Variants in PHF14 observed in about 807,000 individuals in gnomAD.
PHF14 encodes PHD finger protein 14.
In PHF14, 55 loss-of-function variants were observed where a neutral mutation model predicts 117.9. That is an observed-to-expected ratio of 0.47 (90% CI 0.38 to 0.58). The LOEUF is 0.58. Among genes scored for constraint, PHF14 ranks in the 20% least tolerant of loss-of-function variants. PHF14 has a pLI of 0.00. For synonymous variants in PHF14, 409 were observed against 368.6 expected, an observed-to-expected ratio of 1.11 and a Z score of -1.26; for missense variants, 978 against 1,122.2, an observed-to-expected ratio of 0.87 and a Z score of 1.84.
chr7:11,006,842 G>A (rs1396803048), intron 4 of PHF14: 4 of 674,458 alleles, frequency 5.9e-6, no homozygotes, highest in Non-Finnish European at 1.1e-5. Flanking sequence ...AGGAGGGACA[G>A]GAGCTTCCTT....
chr7:11,122,196 C>CT (rs1787775219), intron 17 of PHF14, among the ~76,000 whole-genome samples: 1 of 150,718 alleles, frequency 6.6e-6, no homozygotes, highest in African/African-American at 2.5e-5. Flanking sequence ...TGAACTCATT[C>CT]TTTTTTATGG....
chr7:11,074,621 G>A (rs1785759431), intron 16 of PHF14, among the ~76,000 whole-genome samples: 4 of 152,138 alleles, frequency 2.6e-5, no homozygotes, highest in East Asian at 3.9e-4. Context: ...TCTTCTACCA[G>A]AAACCTGTGT....
Position 11,169,593 on chromosome 7 carries a change from T to TC in PHF14, c.*104dup, listed in dbSNP as rs1789305684. 41 of 526,326 alleles carry TC rather than the reference T, an allele frequency of 7.8e-5. No homozygotes were observed. In the South Asian group the frequency reaches 1.4e-3, roughly 18 times the overall value. The allele number at this position is 526,326 out of a possible 1,614,324, so 32.6% of individuals were successfully genotyped here. A position where few individuals can be genotyped will look rare whatever the true frequency, so the allele number is the denominator to read the frequency against. ...TTGTAAAATCTAATTTGCAAAATGT[T>TC]CTCAATAAAGTCATTCAAAATGAAA... On this transcript the variant is annotated 3_prime_UTR_variant, in exon 18 of 18. Transcript: ENST00000634607.
At chr7:11,053,064 T>A (rs1784895849) in intron 14 of PHF14, among the ~76,000 whole-genome samples, 1 of 152,130 alleles carries the variant, frequency 6.6e-6, no homozygotes, top group Non-Finnish European at 1.5e-5. Context: ...TCAAAAATCT[T>A]CCTTTCCACA....
chr7:10,997,907 G>A (rs1315244627), intron 4 of PHF14, among the ~76,000 whole-genome samples: 1 of 152,166 alleles, frequency 6.6e-6, no homozygotes, highest in Non-Finnish European at 1.5e-5. Flanking sequence ...GTTCACACAA[G>A]CCAACCCTAG....
intron 17 of PHF14, among the ~76,000 whole-genome samples, chr7:11,153,801 T>G (rs1348667689): frequency 6.6e-6 from 1 of 152,160 alleles, no homozygotes; most frequent in Non-Finnish European, 1.5e-5. Context: ...TAAAGAAGAC[T>G]TTGTTTTCTC....
chr7:10,982,685 G>A lies in PHF14; in HGVS notation c.426G>A (p.Glu142=), dbSNP rs1184783212. 1 of 1,601,330 alleles carries A rather than the reference G, an allele frequency of 6.2e-7. No homozygotes were observed. The highest frequency in any genetic ancestry group is 1.7e-5 in the Admixed American group (1 of 57,288). ...AAAAAGAAAAAGCAACAGTATCTGA[G>A]AATGTGGCTGCTTCTGCTGCTGCCA... ...EKEKEKATVS[E]NVAASAAATT... is the part of the protein sequence containing the mutation. The change falls in exon 3 of 18, where the codon GAG becomes GAA. Residue 142 remains glutamate (E), a synonymous_variant. Coordinates refer to ENST00000634607, the MANE Select transcript of PHF14 (RefSeq NM_001007157.2).
chr7:11,037,717 A>G (rs1364416371), intron 10 of PHF14, among the ~76,000 whole-genome samples: 1 of 152,218 alleles, frequency 6.6e-6, no homozygotes, highest in Admixed American at 6.5e-5. Flanking sequence ...AACTTGACAT[A>G]TAAAACGGGT....
chr7:11,088,737 G>A (rs1009386727), intron 16 of PHF14, among the ~76,000 whole-genome samples: 51 of 152,026 alleles, frequency 3.4e-4, no homozygotes, highest in Admixed American at 8.5e-4. Context: ...TATTCCCACC[G>A]TAAATATATA....
At chr7:11,097,171 G>T (rs1172965526) in intron 16 of PHF14, among the ~76,000 whole-genome samples, 11 of 151,706 alleles carry the variant, frequency 7.3e-5, no homozygotes, top group Admixed American at 7.2e-4. Flanking sequence ...TAGAGATGGG[G>T]TTTCACCATG....
intron 13 of PHF14, among the ~76,000 whole-genome samples, chr7:11,043,051 C>T (rs1784550194): frequency 2.6e-5 from 4 of 151,892 alleles, no homozygotes; most frequent in African/African-American, 9.7e-5. Context: ...GGCATGAATT[C>T]TGTCCATTGC....
chr7:11,168,461 G>A (rs1231496883), intron 17 of PHF14, among the ~76,000 whole-genome samples: 1 of 152,166 alleles, frequency 6.6e-6, no homozygotes, highest in Non-Finnish European at 1.5e-5. Context: ...AATTCACAAA[G>A]TAGAGTTCAA....
At chr7:11,090,501 T>G (rs556470339) in intron 16 of PHF14, among the ~76,000 whole-genome samples, 1 of 152,348 alleles carries the variant, frequency 6.6e-6, no homozygotes, top group South Asian at 2.1e-4. Flanking sequence ...ATTGCCTGAT[T>G]ATATCAAGGA....
At position 11,068,020 on chromosome 7, in the gene PHF14, C is replaced by G. The variant is rs150853108; in HGVS notation, c.2654+5935C>G. Among the ~76,000 whole-genome samples, 53 of 152,174 alleles carry G rather than the reference C, an allele frequency of 3.5e-4. 3 individuals carry two copies. The highest frequency in any genetic ancestry group is 1.3e-3 in the African/African-American group (52 of 41,492). ...TAGGTGACAGGTATCCAAACCATAG[C>G]ATACATACAGTAGAATATTATCCAG... On this transcript the variant is annotated intron_variant, in intron 16 of 17. Coordinates refer to ENST00000634607, the MANE Select transcript of PHF14 (RefSeq NM_001007157.2).
In PHF14 at chr7:11,037,080, G is replaced by C; in HGVS notation, c.1969G>C (p.Glu657Gln). ...LENEQEKLHVEYNKLCESLEE... is the reference protein window; with the variant it reads ...LENEQEKLHVQYNKLCESLEE... ...GAATGAACAAGAAAAGCTTCATGTA[G>C]AATATAATAAGGTAAGTTAGCTACA... The change falls in exon 10 of 18, where the codon GAA becomes CAA. Residue 657 changes from glutamate to glutamine, a missense_variant. By Grantham distance (29) the Glu-to-Gln change is conservative. Around this residue, in one of 7 missense-constraint regions of PHF14, gnomAD observed 237 missense variants for 276.4 expected, o/e 0.86. Coordinates refer to ENST00000634607, the MANE Select transcript of PHF14 (RefSeq NM_001007157.2). 2 of 1,493,770 alleles carry C rather than the reference G, an allele frequency of 1.3e-6. No individual in the cohort carries two copies. The highest frequency in any genetic ancestry group is 1.8e-6 in the Non-Finnish European group (2 of 1,098,002). The allele number at this position is 1,493,770 out of a possible 1,614,324, so 92.5% of individuals were successfully genotyped here. A position where few individuals can be genotyped will look rare whatever the true frequency, so the allele number is the denominator to read the frequency against.
At chr7:11,107,415 T>C (rs1179399643) in intron 16 of PHF14, 5 of 830,578 alleles carry the variant, frequency 6.0e-6, no homozygotes, top group Non-Finnish European at 7.3e-6. Context: ...TACTTTGTTA[T>C]TTACATCTAT....
chr7:11,110,596 CACTATCAAA>C lies in PHF14; in HGVS notation c.2655-751_2655-743del, dbSNP rs1377662255. ...TTTTGCACATCATAGGTGGCAAAGA[CACTATCAAA>C]ACATAAGTTTTTAAATGTACTAGGA... On this transcript the variant is annotated intron_variant, in intron 16 of 17. Transcript: ENST00000634607. 1.1e-5 allele frequency: 9 copies of C among 837,850 alleles called. No homozygotes were observed. The East Asian group carries it at 9.9e-4, about 92-fold the overall frequency. The allele number at this position is 837,850 out of a possible 1,614,324, so 51.9% of individuals were successfully genotyped here. A position where few individuals can be genotyped will look rare whatever the true frequency, so the allele number is the denominator to read the frequency against.
chr7:11,050,188 G>A (rs939453676), intron 13 of PHF14, among the ~76,000 whole-genome samples: 2 of 152,126 alleles, frequency 1.3e-5, no homozygotes, highest in African/African-American at 4.8e-5. Context: ...TAAGTTCACA[G>A]TATTAGTGAA....
chr7:11,069,641 C>CCTCCT (rs1363368156), intron 16 of PHF14, among the ~76,000 whole-genome samples: 59 of 132,658 alleles, frequency 4.4e-4, no homozygotes, highest in Non-Finnish European at 7.4e-4. Context: ...CTTCCCCTCC[C>CCTCCT]CTCCTCTCCT....
Sources: allele counts gnomAD v4.1 joint callset (sites outside exome capture counted in the v4.1 genomes callset), GRCh38; gene constraint gnomAD v4.1.1; regional missense constraint gnomAD v4.1.1; transcripts MANE v1.5; gene names NCBI Gene and HGNC (gene_info 2026-07-23, HGNC 2026-07-21).